Variants in AKR1B10 observed in about 807,000 individuals in gnomAD.
AKR1B10 encodes the protein aldo-keto reductase family 1 member B10.
Under a neutral mutation model 38.9 loss-of-function variants are expected in AKR1B10, and 39 were observed. The observed-to-expected ratio is 1.00, with a 90% CI of 0.78 to 1.31. The LOEUF is 1.31. AKR1B10 is among the 50% of genes most tolerant of loss of function. AKR1B10 has a pLI of 0.00. For synonymous variants in AKR1B10, 148 were observed against 141.2 expected (o/e 1.05, Z -0.34); for missense variants, 361 against 382.6 (o/e 0.94, Z 0.47).
chr7:134,541,114 A>G lies in AKR1B10; in HGVS notation c.*25A>G. 1 of 1,521,052 alleles carries G rather than the reference A, an allele frequency of 6.6e-7. No homozygotes were observed. The highest frequency in any genetic ancestry group is 9.1e-7 in the Non-Finnish European group (1 of 1,099,612). The allele number at this position is 1,521,052 out of a possible 1,614,324, so 94.2% of individuals were successfully genotyped here. On this transcript the variant is annotated 3_prime_UTR_variant, in exon 10 of 10. Coordinates refer to ENST00000359579, the MANE Select transcript of AKR1B10 (RefSeq NM_020299.5). ...AGGTTGAATCTCCTGGTGAGATTATACAGGAGATTCTCTTTCTTCGCTGAA... is the reference window on the plus strand; with the variant it reads ...AGGTTGAATCTCCTGGTGAGATTATGCAGGAGATTCTCTTTCTTCGCTGAA...
chr7:134,541,279 GA>G lies in AKR1B10; in HGVS notation c.*194del. ...GTTCAACTAGGATCAGAATATCACAGAAAAGCATGGCTTGAATAAGGAAATG... is the reference window on the plus strand; with the variant it reads ...GTTCAACTAGGATCAGAATATCACAGAAAGCATGGCTTGAATAAGGAAATG... On this transcript the variant is annotated 3_prime_UTR_variant, in exon 10 of 10. Coordinates refer to ENST00000359579, the MANE Select transcript of AKR1B10 (RefSeq NM_020299.5). 1 of 522,468 alleles carries G rather than the reference GA, an allele frequency of 1.9e-6. No individual in the cohort carries two copies. 32.4% of individuals were successfully genotyped at this position (522,468 alleles called of 1,614,324 possible).
chr7:134,537,587 C>T lies in AKR1B10; in HGVS notation c.667C>T (p.Pro223Ser), dbSNP rs376286162. The stretch of plus-strand genomic sequence containing the variant: ...GCATCTTTCTGCCCCTAGGGCCAAG[C>T]CAGAAGACCCTTCCCTGCTGGAGGA... ...LGSPDRPWAKPEDPSLLEDPK... is the reference protein window; with the variant it reads ...LGSPDRPWAKSEDPSLLEDPK... Residue 223 changes from proline to serine, a missense_variant, in exon 7 of 10, where the codon CCA becomes TCA. Pro to Ser is a moderately conservative substitution (Grantham distance 74). Coordinates refer to ENST00000359579, the MANE Select transcript of AKR1B10 (RefSeq NM_020299.5). 5 of 1,613,828 alleles carry T rather than the reference C, an allele frequency of 3.1e-6. No homozygotes were observed. Among genetic ancestry groups the T allele is most frequent in the Admixed American group, 1.7e-5 (1 of 60,016 alleles).
At chr7:134,529,988 T>A (rs934121711) in intron 1 of AKR1B10, among the ~76,000 whole-genome samples, 11 of 152,172 alleles carry the variant, frequency 7.2e-5, no homozygotes, top group African/African-American at 2.7e-4. Flanking sequence ...AGCTTAATAT[T>A]CATTGCAGCA....
At position 134,541,075 on chromosome 7, in the gene AKR1B10, A is replaced by G. The variant is rs4728329; in HGVS notation, c.937A>G (p.Asn313Asp). ...CTCTCATTTGGAAGACTATCCCTTC[A>G]ATGCAGAATATTGAGGTTGAATCTC... is the stretch of plus-strand genomic sequence containing the variant. ...QSSHLEDYPF[N>D]AEY The change falls in exon 10 of 10, where the codon AAT becomes GAT. Residue 313 changes from asparagine to aspartate, a missense_variant. This residue lies in a region of AKR1B10 where 132 missense variants were observed against 134.6 expected (regional missense o/e 0.98). Coordinates refer to ENST00000359579, the MANE Select transcript of AKR1B10 (RefSeq NM_020299.5). The G allele has an allele frequency of 0.93, 1,461,063 of 1,575,866 alleles. 678,395 individuals are homozygous for G. Among genetic ancestry groups the G allele is most frequent in the East Asian group, 1 (44,569 of 44,580 alleles).
Position 134,535,232 on chromosome 7 carries a change from C to A in AKR1B10, c.430-1418C>A, listed in dbSNP as rs1807964043. On this transcript the variant is annotated intron_variant, in intron 4 of 9. Transcript: ENST00000359579. The stretch of plus-strand genomic sequence containing the variant: ...GCCTCAAGCAATCCTCCTGTCTCAG[C>A]CTCTGGTAATATATATCAGAAACAT... Among the ~76,000 whole-genome samples the A allele has an allele frequency of 2.6e-5, 4 of 152,116 alleles. No homozygotes were observed. In the South Asian group the frequency reaches 8.3e-4, roughly 32 times the overall value.
intron 1 of AKR1B10, among the ~76,000 whole-genome samples, chr7:134,528,219 G>C (rs903074303): frequency 2.0e-5 from 3 of 152,222 alleles, no homozygotes; most frequent in South Asian, 4.1e-4. Flanking sequence ...TCAAGCAGCT[G>C]TTGGACTTAA....
chr7:134,533,896 G>C (rs1807931209), intron 4 of AKR1B10, among the ~76,000 whole-genome samples: 1 of 152,156 alleles, frequency 6.6e-6, no homozygotes, highest in Non-Finnish European at 1.5e-5. Context: ...ATGAAGTGGA[G>C]GAATAAGTTA....
intron 7 of AKR1B10, 49 bp downstream of exon 7, chr7:134,537,710 C>T: frequency 6.2e-7 from 1 of 1,600,772 alleles, no homozygotes; most frequent in Non-Finnish European, 8.6e-7. Flanking sequence ...TTCTTCCAGT[C>T]TCGTGTTTCA....
intron 9 of AKR1B10, 79 bp from the exon 10 acceptor site, chr7:134,540,968 G>A: frequency 3.8e-6 from 4 of 1,044,798 alleles, no homozygotes; most frequent in Non-Finnish European, 4.4e-6. Context: ...GTCCACCAGG[G>A]AAGAATACCT....
intron 1 of AKR1B10, among the ~76,000 whole-genome samples, chr7:134,529,714 T>G (rs1807798284): frequency 6.6e-6 from 1 of 152,206 alleles, no homozygotes; most frequent in African/African-American, 2.4e-5. Flanking sequence ...AAGTGCTTTT[T>G]TGCCCCCATC....
chr7:134,535,493 G>A lies in AKR1B10; in HGVS notation c.430-1157G>A, dbSNP rs543732113. On this transcript the variant is annotated intron_variant, in intron 4 of 9. Coordinates refer to ENST00000359579, the MANE Select transcript of AKR1B10 (RefSeq NM_020299.5). ...CCAAAGTTGAGAAGGGCTGGATAAA[G>A]TGTTCCCTGAACATGTCGTGCTTAT... is the stretch of plus-strand genomic sequence containing the variant. 7 of 524,910 alleles carry A rather than the reference G, an allele frequency of 1.3e-5. No individual in the cohort carries two copies. The South Asian group carries it at 5.1e-4, about 38-fold the overall frequency. 32.5% of individuals were successfully genotyped at this position (524,910 alleles called of 1,614,324 possible).
rs1562931061 is a variant in AKR1B10, at chr7:134,536,112, CAAACCA to C, written c.430-535_430-530del. ...GTAATCTGAATGCATGACCTTCCTG[CAAACCA>C]AAGCATGCTTAGTGTGGGAGAGAGG... On this transcript the variant is annotated intron_variant, in intron 4 of 9. Coordinates refer to ENST00000359579, the MANE Select transcript of AKR1B10 (RefSeq NM_020299.5). Among the ~76,000 whole-genome samples the C allele has an allele frequency of 4.6e-5, 7 of 152,344 alleles. No individual in the cohort carries two copies. The South Asian group carries it at 1.4e-3, about 32-fold the overall frequency.
At position 134,537,766 on chromosome 7, in the gene AKR1B10, G is replaced by C. The variant is rs1353845656; in HGVS notation, c.741+105G>C. On this transcript the variant is annotated intron_variant, in intron 7 of 9. Coordinates refer to ENST00000359579, the MANE Select transcript of AKR1B10 (RefSeq NM_020299.5). ...AAACTCCTTAAAGGGGAAGAATATA[G>C]GAGCTGAAGCCCTCTAAAGTGTTTC... The C allele has an allele frequency of 4.4e-6, 6 of 1,362,282 alleles. No homozygotes were observed. The South Asian group carries it at 6.4e-5, about 14-fold the overall frequency. 84.4% of individuals were successfully genotyped at this position (1,362,282 alleles called of 1,614,324 possible). A position where few individuals can be genotyped will look rare whatever the true frequency, so the allele number is the denominator to read the frequency against.
Position 134,527,723 on chromosome 7 carries a change from G to GAACAT in AKR1B10, c.-189_-188insAACAT. Reference sequence around the variant, plus strand: ...TAGCTGGGAGTCACGGTGGGCGCCTGTAATCCCAGCTACTCGGGAGGCTGA... The same window carrying GAACAT: ...TAGCTGGGAGTCACGGTGGGCGCCTGAACATTAATCCCAGCTACTCGGGAGGCTGA... On this transcript the variant is annotated 5_prime_UTR_variant, in exon 1 of 10. Coordinates refer to ENST00000359579, the MANE Select transcript of AKR1B10 (RefSeq NM_020299.5). The GAACAT allele has an allele frequency of 7.7e-6, 4 of 519,020 alleles. No individual in the cohort carries two copies. The highest frequency in any genetic ancestry group is 7.5e-5 in the South Asian group (2 of 26,674). 32.2% of individuals were successfully genotyped at this position (519,020 alleles called of 1,614,324 possible). A position where few individuals can be genotyped will look rare whatever the true frequency, so the allele number is the denominator to read the frequency against.
intron 9 of AKR1B10, 192 bp downstream of exon 9, chr7:134,539,209 C>T (rs1472857600): frequency 1.6e-6 from 1 of 637,934 alleles, no homozygotes; most frequent in Non-Finnish European, 2.7e-6. Context: ...TGCTCATTGT[C>T]TGAACTTCTG....
At chr7:134,532,872 T>C (rs1807898326) in intron 3 of AKR1B10, 132 bp from the exon 4 acceptor site, 3 of 689,548 alleles carry the variant, frequency 4.4e-6, no homozygotes, top group Middle Eastern at 3.1e-4. Context: ...ATTCCTAAAG[T>C]ATGTACTCCA....
chr7:134,536,560 T>A, intron 4 of AKR1B10, 90 bp from the exon 5 acceptor site: 1 of 1,535,966 alleles, frequency 6.5e-7, no homozygotes, highest in South Asian at 1.3e-5. Flanking sequence ...GTGGATCCTT[T>A]AGCAATTTCT....
At chr7:134,532,089 C>T in intron 3 of AKR1B10, 65 bp downstream of exon 3, 1 of 1,589,504 alleles carries the variant, frequency 6.3e-7, no homozygotes, top group Non-Finnish European at 8.6e-7. Flanking sequence ...GTAGCTGCAC[C>T]AGGGCTGTGG....
At chr7:134,531,795 C>A in intron 2 of AKR1B10, 113 bp from the exon 3 acceptor site, 1 of 1,213,270 alleles carries the variant, frequency 8.2e-7, no homozygotes, top group East Asian at 2.4e-5. Flanking sequence ...AGCTTTGTTA[C>A]AAATGGCTTG....
Sources: gnomAD v4.1 joint callset for allele counts (sites outside exome capture counted in the v4.1 genomes callset) on GRCh38, gnomAD v4.1.1 for gene constraint, gnomAD v4.1.1 regional missense constraint, MANE v1.5 for transcripts, NCBI Gene and HGNC (gene_info 2026-07-23, HGNC 2026-07-21) for gene names.